The following SLC9A7 variants were observed in gnomAD, a reference collection of about 807,000 sequenced individuals.
The protein encoded by SLC9A7 is sodium/hydrogen exchanger 7.
A neutral mutation model predicts 52.6 loss-of-function variants in SLC9A7; 19 were observed. The observed-to-expected ratio is 0.36, with a 90% CI of 0.25 to 0.53. The LOEUF is 0.53. SLC9A7 is among the 20% of genes least tolerant of loss of function. The probability of loss-of-function intolerance (pLI) is 0.91; values close to 1 mark genes in which losing one functional copy is unlikely to be tolerated. For missense variants in SLC9A7, 455 were observed against 597.9 expected, an observed-to-expected ratio of 0.76 and a Z score of 2.49; for synonymous variants, 226 against 252.1, an observed-to-expected ratio of 0.90 and a Z score of 0.98.
intron 1 of SLC9A7, among the ~76,000 whole-genome samples, chrX:46,692,176 G>A (rs1944389302): frequency 9.0e-6 from 1 of 111,291 alleles, no homozygotes; most frequent in Admixed American, 9.5e-5. Context: ...CCATTAAAAT[G>A]GGAAATAAGT....
intron 1 of SLC9A7, among the ~76,000 whole-genome samples, chrX:46,694,181 A>AG (rs769378311): frequency 2.8e-5 from 3 of 108,919 alleles, no homozygotes; most frequent in Non-Finnish European, 5.7e-5. Flanking sequence ...TTAAAAAAAA[A>AG]GAAGACTGAG....
chrX:46,719,293 G>A (rs1275909816), intron 1 of SLC9A7, among the ~76,000 whole-genome samples: 1 of 83,518 alleles, frequency 1.2e-5, no homozygotes, highest in African/African-American at 4.4e-5. Flanking sequence ...GGGGCCTGTC[G>A]TGGGGTGGGG....
chrX:46,621,510 T>C (rs1342653210), intron 14 of SLC9A7, among the ~76,000 whole-genome samples: 1 of 111,782 alleles, frequency 8.9e-6, no homozygotes, highest in Non-Finnish European at 1.9e-5. Context: ...CCTGACAAAC[T>C]AGTTAAGGCT....
intron 1 of SLC9A7, among the ~76,000 whole-genome samples, chrX:46,694,545 T>C (rs1209398928): frequency 9.0e-6 from 1 of 111,720 alleles, no homozygotes; most frequent in African/African-American, 3.3e-5. Context: ...TGAAATACCA[T>C]TTCATGCCCA....
intron 15 of SLC9A7, among the ~76,000 whole-genome samples, chrX:46,616,750 T>A (rs1942960563): frequency 8.9e-6 from 1 of 111,975 alleles, no homozygotes; most frequent in African/African-American, 3.2e-5. Context: ...TTCAGACTTC[T>A]TTTTTTCATC....
chrX:46,653,299 G>T (rs1446018317), intron 8 of SLC9A7, among the ~76,000 whole-genome samples: 1 of 111,411 alleles, frequency 9.0e-6, no homozygotes, highest in African/African-American at 3.3e-5. Flanking sequence ...GGAGGGTGAA[G>T]GGGGAAGATC....
chrX:46,729,770 C>CA (rs1172911947), intron 1 of SLC9A7, among the ~76,000 whole-genome samples: 3 of 109,535 alleles, frequency 2.7e-5, no homozygotes, highest in Non-Finnish European at 3.8e-5. Context: ...GAGACTCCAT[C>CA]AAAAAAAGAA....
chrX:46,734,499 C>A (rs1482686903), intron 1 of SLC9A7, among the ~76,000 whole-genome samples: 2 of 111,869 alleles, frequency 1.8e-5, no homozygotes, highest in Non-Finnish European at 3.8e-5. Context: ...ACATTTCAAT[C>A]TTTGTTTTTC....
chrX:46,691,672 G>A (rs1944382612), intron 1 of SLC9A7, among the ~76,000 whole-genome samples: 2 of 111,884 alleles, frequency 1.8e-5, no homozygotes, highest in South Asian at 7.4e-4. Context: ...TAAAAATAGT[G>A]CATATTGGGG....
rs145077464 is a variant in SLC9A7, at chrX:46,611,111, C to T, written c.1929+2178G>A. On this transcript the variant is annotated intron_variant, in intron 16 of 16. Transcript: ENST00000616978. ...AAATGCCGTCAGCACCCTTTGTCTCCGATGATGTATGTAAAGGGCCCCTAC... is the reference window on the plus strand; with the variant it reads ...AAATGCCGTCAGCACCCTTTGTCTCTGATGATGTATGTAAAGGGCCCCTAC... Among the ~76,000 whole-genome samples, 621 of 111,257 alleles carry T rather than the reference C, an allele frequency of 5.6e-3. 4 individuals carry two copies. Among genetic ancestry groups the T allele is most frequent in the African/African-American group, 0.019 (592 of 30,585 alleles).
chrX:46,675,242 G>T (rs1290969467), intron 3 of SLC9A7, among the ~76,000 whole-genome samples: 1 of 110,465 alleles, frequency 9.1e-6, no homozygotes, highest in Non-Finnish European at 1.9e-5. Context: ...ACTTTTTCAA[G>T]TCAGAAAGCC....
chrX:46,608,525 A>G (rs1344413057), intron 16 of SLC9A7, among the ~76,000 whole-genome samples: 1 of 112,585 alleles, frequency 8.9e-6, no homozygotes, highest in Non-Finnish European at 1.9e-5. Context: ...TAAAAGTCCT[A>G]TATTCAGGCA....
intron 1 of SLC9A7, among the ~76,000 whole-genome samples, chrX:46,707,345 G>A (rs1476268580): frequency 8.9e-6 from 1 of 112,308 alleles, no homozygotes; most frequent in Non-Finnish European, 1.9e-5. Context: ...GATCTGACTA[G>A]TAAGTGGCAC....
chrX:46,725,137 G>A (rs1183702680), intron 1 of SLC9A7: 1 of 650,944 alleles, frequency 1.5e-6, no homozygotes, highest in Admixed American at 2.2e-5. Flanking sequence ...TGTTTTACAA[G>A]ATATACTTGA....
intron 5 of SLC9A7, among the ~76,000 whole-genome samples, chrX:46,665,574 A>G (rs1050353225): frequency 1.8e-5 from 2 of 109,424 alleles, no homozygotes; most frequent in Admixed American, 9.9e-5. Context: ...AAAAAAAAAA[A>G]AAAAAGAAAT....
intron 1 of SLC9A7, among the ~76,000 whole-genome samples, chrX:46,695,730 G>A (rs1397708424): frequency 3.6e-5 from 4 of 110,322 alleles, no homozygotes; most frequent in Non-Finnish European, 7.6e-5. Flanking sequence ...GGAAGGTGGG[G>A]TGTGGGGGAT....
chrX:46,720,327 C>A (rs1430769339), intron 1 of SLC9A7, among the ~76,000 whole-genome samples: 1 of 110,919 alleles, frequency 9.0e-6, no homozygotes, highest in African/African-American at 3.3e-5. Flanking sequence ...CCTGTCCTTT[C>A]CCACTCCTGC....
chrX:46,617,159 C>T (rs1015947771), intron 15 of SLC9A7, among the ~76,000 whole-genome samples: 1 of 111,130 alleles, frequency 9.0e-6, no homozygotes, highest in Non-Finnish European at 1.9e-5. Context: ...ACTCTATCTT[C>T]CAGATCAACA....
Position 46,606,712 on chromosome X carries a change from C to G in SLC9A7, c.*240G>C, listed in dbSNP as rs111556178. On this transcript the variant is annotated 3_prime_UTR_variant, in exon 17 of 17. Coordinates refer to ENST00000616978, the MANE Select transcript of SLC9A7 (RefSeq NM_001257291.2). ...TTTTTTTGTTTGTTTAACTCTGAAA[C>G]AGCGCACTACTATGTGAAAAAAGTG... 1.2e-4 allele frequency: 124 copies of G among 1,051,308 alleles called. No individual in the cohort carries two copies. In the African/African-American group the frequency reaches 2.0e-3, roughly 17 times the overall value. 86.6% of individuals were successfully genotyped at this position (1,051,308 alleles called of 1,213,427 possible).
Sources: gnomAD v4.1 joint callset for allele counts (sites outside exome capture counted in the v4.1 genomes callset) on GRCh38, gnomAD v4.1.1 for gene constraint, MANE v1.5 for transcripts, NCBI Gene and HGNC (gene_info 2026-07-23, HGNC 2026-07-21) for gene names.